The following PLCZ1 variants were observed in gnomAD, a reference collection of about 807,000 sequenced individuals.
PLCZ1 encodes 1-phosphatidylinositol 4,5-bisphosphate phosphodiesterase zeta-1.
In PLCZ1, 64 loss-of-function variants were observed where a neutral mutation model predicts 76.8. The observed-to-expected ratio is 0.83, with a 90% CI of 0.68 to 1.03. PLCZ1 has a LOEUF of 1.03. Ranked by LOEUF, PLCZ1 falls within the 50% of genes least tolerant of loss-of-function variation. The probability of loss-of-function intolerance (pLI) is 0.00; values close to 1 mark genes in which losing one functional copy is unlikely to be tolerated. For synonymous variants in PLCZ1, 248 were observed against 230.8 expected, an observed-to-expected ratio of 1.07 and a Z score of -0.68; for missense variants, 751 against 713.7, an observed-to-expected ratio of 1.05 and a Z score of -0.60.
At chr12:18,668,143 C>T in the PLCZ1 span, among the ~76,000 whole-genome samples, 1 of 152,130 alleles carries the variant, frequency 6.6e-6, no homozygotes, top group African/African-American at 2.4e-5. Flanking sequence ...CTCTCTGTCT[C>T]ATAGGGACTA....
chr12:18,714,761 G>A (rs1346740371), intron 5 of PLCZ1: 1 of 152,144 alleles, frequency 6.6e-6, no homozygotes, highest in Non-Finnish European at 1.5e-5. Flanking sequence ...GAGATAGGGA[G>A]AGGTTTGTAA....
intron 10 of PLCZ1, among the ~76,000 whole-genome samples, chr12:18,697,392 C>T (rs1404243433): frequency 6.6e-6 from 1 of 152,114 alleles, no homozygotes; most frequent in African/African-American, 2.4e-5. Context: ...AAGTATCATG[C>T]TCCCTTATCT....
chr12:18,722,411 T>C (rs1309877866), intron 4 of PLCZ1, among the ~76,000 whole-genome samples: 4 of 152,086 alleles, frequency 2.6e-5, no homozygotes, highest in East Asian at 1.9e-4. Flanking sequence ...GAATGTATGA[T>C]CCAATGCAGA....
chr12:18,710,070 C>T (rs1320114981), intron 6 of PLCZ1, among the ~76,000 whole-genome samples: 1 of 151,026 alleles, frequency 6.6e-6, no homozygotes, highest in East Asian at 1.9e-4. Context: ...AATCGTTGGG[C>T]TTTTTTACAT....
At chr12:18,706,022 T>A (rs963747920) in intron 6 of PLCZ1, among the ~76,000 whole-genome samples, 28 of 151,338 alleles carry the variant, frequency 1.9e-4, no homozygotes, top group African/African-American at 6.1e-4. Context: ...GGGTCAGGAG[T>A]TCGAGACCAG....
chr12:18,671,904 A>G, the PLCZ1 span, among the ~76,000 whole-genome samples: 36 of 152,126 alleles, frequency 2.4e-4, no homozygotes, highest in African/African-American at 2.2e-4. Context: ...TCTCCCATAT[A>G]TAGCACCTTT....
intron 5 of PLCZ1, among the ~76,000 whole-genome samples, chr12:18,715,099 G>A (rs1957781848): frequency 7.0e-6 from 1 of 143,580 alleles, no homozygotes; most frequent in Admixed American, 7.3e-5. Context: ...GCTGAGAACA[G>A]ATAAAACAAT....
the PLCZ1 span, among the ~76,000 whole-genome samples, chr12:18,672,605 T>C: frequency 1.3e-5 from 2 of 152,128 alleles, no homozygotes; most frequent in African/African-American, 4.8e-5. Flanking sequence ...AATCAGAACA[T>C]GTAGTTTCAT....
chr12:18,659,023 A>T, the PLCZ1 span, among the ~76,000 whole-genome samples: 1 of 152,114 alleles, frequency 6.6e-6, no homozygotes, highest in African/African-American at 2.4e-5. Context: ...TGGAGCATGA[A>T]GCTTTGTATT....
intron 13 of PLCZ1, among the ~76,000 whole-genome samples, chr12:18,685,335 G>A (rs1041291620): frequency 2.0e-5 from 3 of 151,948 alleles, no homozygotes; most frequent in Non-Finnish European, 4.4e-5. Context: ...AAAGTAAAGC[G>A]TAATTTAACA....
intron 13 of PLCZ1, among the ~76,000 whole-genome samples, chr12:18,685,082 G>C (rs1352535778): frequency 6.6e-6 from 1 of 151,958 alleles, no homozygotes; most frequent in African/African-American, 2.4e-5. Flanking sequence ...AGAATCTTTA[G>C]AGCAATATGA....
chr12:18,677,625 A>C, the PLCZ1 span, among the ~76,000 whole-genome samples: 1 of 152,116 alleles, frequency 6.6e-6, no homozygotes, highest in East Asian at 1.9e-4. Flanking sequence ...ATTTTCAAAA[A>C]TCACAAAGCT....
intron 6 of PLCZ1, among the ~76,000 whole-genome samples, chr12:18,707,394 A>G (rs1456442795): frequency 2.0e-5 from 3 of 152,138 alleles, no homozygotes; most frequent in African/African-American, 4.8e-5. Context: ...TTCTTCCATG[A>G]GGCCCTGATG....
rs535494697 is a variant in PLCZ1 at position 18,694,290 on chromosome 12, G to A, written c.1461+620C>T. Among the ~76,000 whole-genome samples, 6 of 152,210 alleles carry A rather than the reference G, an allele frequency of 3.9e-5. No homozygotes were observed. In the East Asian group the frequency reaches 1.2e-3, roughly 29 times the overall value. ...TCTGTTGGTCACTGTGCAGCAGTCT[G>A]CTTCCCAATAAAGCGCGCTCTTTCA... On this transcript the variant is annotated intron_variant, in intron 12 of 14. Transcript: ENST00000266505.
At chr12:18,736,374 T>A (rs764299475) in intron 2 of PLCZ1, 30 bp from the exon 3 acceptor site, 3 of 1,600,650 alleles carry the variant, frequency 1.9e-6, no homozygotes, top group African/African-American at 1.3e-5. Flanking sequence ...AAGGAAATTC[T>A]CACAGAAAGT....
At chr12:18,678,925 T>C (rs371998047), downstream of PLCZ1, among the ~76,000 whole-genome samples, 6 of 152,086 alleles carry the variant, frequency 3.9e-5, no homozygotes, top group African/African-American at 1.4e-4. Flanking sequence ...CAAACTGTTT[T>C]CACAGTGATT....
chr12:18,647,867 C>A, the PLCZ1 span: 1 of 1,449,370 alleles, frequency 6.9e-7, no homozygotes, highest in Admixed American at 2.4e-5. Context: ...TTATTTTCTC[C>A]GTTTTTAGGT....
the PLCZ1 span, among the ~76,000 whole-genome samples, chr12:18,676,158 G>T: frequency 6.6e-6 from 1 of 152,054 alleles, no homozygotes; most frequent in South Asian, 2.1e-4. Context: ...GCTAGAAAAT[G>T]GACCCAAAAC....
downstream of PLCZ1, among the ~76,000 whole-genome samples, chr12:18,678,702 A>G (rs117339548): frequency 3.4e-3 from 523 of 152,170 alleles, 2 homozygotes; most frequent in Non-Finnish European, 4.7e-3. Flanking sequence ...TTATTACATT[A>G]AATAGTATTG....
Sources: gnomAD v4.1 joint callset for allele counts (sites outside exome capture counted in the v4.1 genomes callset) on GRCh38, gnomAD v4.1.1 for gene constraint, MANE v1.5 for transcripts, NCBI Gene and HGNC (gene_info 2026-07-23, HGNC 2026-07-21) for gene names.